BOC: variants seen among roughly 807,000 people sequenced by gnomAD.
BOC encodes the protein BOC cell adhesion associated, oncogene regulated, also known as brother of CDO.
BOC carries 76 observed loss-of-function variants against 112.0 expected under a neutral mutation model. That is an observed-to-expected ratio of 0.68 (90% CI 0.56 to 0.82). BOC has a LOEUF of 0.82. Ranked by LOEUF, BOC falls within the 40% of genes least tolerant of loss-of-function variation. The pLI is 0.00. For missense variants in BOC, 1,309 were observed against 1,511.7 expected (o/e 0.87, Z 2.22); for synonymous variants, 580 against 599.8 (o/e 0.97, Z 0.48).
chr3:113,260,032 A>G (rs1360188872), intron 4 of BOC, among the ~76,000 whole-genome samples: 1 of 152,192 alleles, frequency 6.6e-6, no homozygotes, highest in African/African-American at 2.4e-5. Flanking sequence ...AGTCTAGAGT[A>G]GGTTCTCTTC....
chr3:113,236,835 C>G (rs1481385808), intron 2 of BOC, among the ~76,000 whole-genome samples: 1 of 152,194 alleles, frequency 6.6e-6, no homozygotes, highest in Non-Finnish European at 1.5e-5. Context: ...AGAAAAGTTT[C>G]ATGACCCCTG....
At chr3:113,218,069 TG>T (rs2107592181) in intron 2 of BOC, among the ~76,000 whole-genome samples, 1 of 152,294 alleles carries the variant, frequency 6.6e-6, no homozygotes, top group Non-Finnish European at 1.5e-5. Flanking sequence ...ACGTGAAAGT[TG>T]CCGGGCTCTC....
chr3:113,227,115 T>C (rs1185465294), intron 2 of BOC, among the ~76,000 whole-genome samples: 1 of 152,242 alleles, frequency 6.6e-6, no homozygotes, highest in African/African-American at 2.4e-5. Context: ...TCATCATTAT[T>C]ATTAGCTTGA....
At chr3:113,222,434 A>G (rs1225932000) in intron 2 of BOC, among the ~76,000 whole-genome samples, 3 of 152,244 alleles carry the variant, frequency 2.0e-5, no homozygotes, top group Admixed American at 1.3e-4. Context: ...GGGGGAAAAT[A>G]GGAGAGATGT....
chr3:113,216,375 A>G (rs1455721954), intron 2 of BOC, 101 bp downstream of exon 2: 1 of 427,756 alleles, frequency 2.3e-6, no homozygotes, highest in Non-Finnish European at 4.8e-6. Context: ...TCTCATCCTC[A>G]AGTATTGGGA....
intron 9 of BOC, among the ~76,000 whole-genome samples, chr3:113,276,914 A>G (rs1480301801): frequency 6.6e-6 from 1 of 152,154 alleles, no homozygotes; most frequent in Non-Finnish European, 1.5e-5. Context: ...GCAAACCACA[A>G]CTTGAGGCTC....
chr3:113,270,645 A>C (rs1486804174), intron 5 of BOC, 156 bp from the exon 6 acceptor site: 4 of 808,332 alleles, frequency 4.9e-6, no homozygotes, highest in Non-Finnish European at 7.7e-6. Flanking sequence ...GGAGAACGGC[A>C]TCTTAGGCTT....
chr3:113,219,816 G>T (rs900969914), intron 2 of BOC, among the ~76,000 whole-genome samples: 3 of 152,194 alleles, frequency 2.0e-5, no homozygotes, highest in Non-Finnish European at 4.4e-5. Context: ...TGGCTTTGTG[G>T]CATAGCTGGT....
chr3:113,258,336 A>G (rs1167499165), intron 4 of BOC, among the ~76,000 whole-genome samples: 1 of 152,114 alleles, frequency 6.6e-6, no homozygotes, highest in African/African-American at 2.4e-5. Flanking sequence ...TCGAATTCTT[A>G]ATCTAGCCAC....
intron 2 of BOC, among the ~76,000 whole-genome samples, chr3:113,243,014 A>G (rs998381031): frequency 6.6e-6 from 1 of 152,206 alleles, no homozygotes; most frequent in Non-Finnish European, 1.5e-5. Flanking sequence ...TGAGGTTGTC[A>G]TGTGTCACAA....
chr3:113,265,483 A>G (rs1411487350), intron 4 of BOC, among the ~76,000 whole-genome samples: 2 of 152,168 alleles, frequency 1.3e-5, no homozygotes, highest in African/African-American at 4.8e-5. Context: ...ACAGCTCACA[A>G]TCATTCACAG....
chr3:113,259,599 C>A (rs752928080), intron 4 of BOC, among the ~76,000 whole-genome samples: 1 of 152,304 alleles, frequency 6.6e-6, no homozygotes, highest in Middle Eastern at 3.4e-3. Flanking sequence ...GCAATTTCTA[C>A]TTTGACTTTG....
chr3:113,280,557 G>A lies in BOC; in HGVS notation c.2206-1G>A. On this transcript the variant is annotated splice_acceptor_variant, in intron 13 of 19. Coordinates refer to ENST00000682979, the MANE Select transcript of BOC (RefSeq NM_001378074.1). LOFTEE classifies it high-confidence loss of function. ...ACTTGTTTCTTCTCCATTCCCTATA[G>A]TACATCCCAGCAAGTAACAACAACA... 1 of 1,596,058 alleles carries A rather than the reference G, an allele frequency of 6.3e-7. No individual in the cohort carries two copies. The highest frequency in any genetic ancestry group is 8.6e-7 in the Non-Finnish European group (1 of 1,163,682).
intron 3 of BOC, 146 bp from the exon 4 acceptor site, chr3:113,250,409 A>T: frequency 1.1e-6 from 1 of 904,994 alleles, no homozygotes; most frequent in Non-Finnish European, 1.6e-6. Context: ...GCAGGTTGGG[A>T]AATGGACAAG....
Position 113,286,813 on chromosome 3 carries a change from C to T in BOC, c.3299C>T (p.Pro1100Leu), listed in dbSNP as rs746269289. The T allele has an allele frequency of 2.2e-5, 36 of 1,610,778 alleles. No individual in the cohort carries two copies. The highest frequency in any genetic ancestry group is 1.3e-4 in the East Asian group (6 of 44,778). ...VGQEPGMQLSPGPLVRVSFET... is the reference protein window; with the variant it reads ...VGQEPGMQLSLGPLVRVSFET... The stretch of plus-strand genomic sequence containing the variant: ...CAGGAACCTGGAATGCAGCTCTCCC[C>T]GGGGCCACTGGTGCGTGTGTCTTTT... The change falls in exon 20 of 20, where the codon CCG (proline) becomes CTG (leucine). Residue 1100 changes from proline to leucine, a missense_variant. Transcript: ENST00000682979.
chr3:113,269,494 A>C (rs946809144), intron 5 of BOC: 6 of 151,974 alleles, frequency 3.9e-5, no homozygotes. Context: ...ATGCCACTGC[A>C]CTCTAGCCTG....
intron 11 of BOC, 121 bp from the exon 12 acceptor site, chr3:113,279,128 G>A: frequency 9.9e-7 from 1 of 1,009,186 alleles, no homozygotes; most frequent in Non-Finnish European, 1.5e-6. Context: ...AGGGCTGTGG[G>A]GAGGAGCGGG....
chr3:113,227,009 A>C (rs1008847506), intron 2 of BOC, among the ~76,000 whole-genome samples: 1 of 152,222 alleles, frequency 6.6e-6, no homozygotes, highest in Admixed American at 6.5e-5. Flanking sequence ...CTCAGATCAC[A>C]ACAAGAGGTC....
rs754173092 is a variant in BOC at position 113,278,285 on chromosome 3, AG to A, written c.1705+31del. The A allele has an allele frequency of 6.2e-7, 1 of 1,611,834 alleles. No individual in the cohort carries two copies. The highest frequency in any genetic ancestry group is 1.3e-5 in the African/African-American group (1 of 74,872). On this transcript the variant is annotated intron_variant, in intron 10 of 19. Coordinates refer to ENST00000682979, the MANE Select transcript of BOC (RefSeq NM_001378074.1). The surrounding 1 kb of genome is among the most constrained non-coding windows in gnomAD (Gnocchi z 4.2). The stretch of plus-strand genomic sequence containing the variant: ...GAGAGTCAAACATTGCCCCTTGCTT[AG>A]GGTTTCCGTGGGTCTAAGCAAGTTC...
Sources: allele counts gnomAD v4.1 joint callset (sites outside exome capture counted in the v4.1 genomes callset), GRCh38; gene constraint gnomAD v4.1.1; non-coding constraint Gnocchi (gnomAD v3.1); transcripts MANE v1.5; gene names NCBI Gene and HGNC (gene_info 2026-07-23, HGNC 2026-07-21).